The following TRDN variants were observed in gnomAD, a reference collection of about 807,000 sequenced individuals.
TRDN encodes triadin in skeletal muscle.
In TRDN, 161 loss-of-function variants were observed where a neutral mutation model predicts 149.7. The observed-to-expected ratio is 1.08, with a 90% CI of 0.95 to 1.23. TRDN has a LOEUF of 1.23. TRDN is among the 50% of genes most tolerant of loss of function. The pLI, the probability that TRDN is intolerant of heterozygous loss-of-function variation, is 0.00. For synonymous variants in TRDN, 294 were observed against 250.5 expected (o/e 1.17, Z -1.64); for missense variants, 896 against 823.5 (o/e 1.09, Z -1.08).
At chr6:123,301,770 C>CACATATACAT (rs763041259) in intron 24 of TRDN, among the ~76,000 whole-genome samples, 5 of 57,834 alleles carry the variant, frequency 8.6e-5, no homozygotes, top group African/African-American at 1.9e-4. Context: ...TATATATATA[C>CACATATACAT]ATATATATAT....
At chr6:123,419,609 C>G (rs900896366) in intron 12 of TRDN, among the ~76,000 whole-genome samples, 1 of 152,094 alleles carries the variant, frequency 6.6e-6, no homozygotes, top group Non-Finnish European at 1.5e-5. Flanking sequence ...AACTCCTAGT[C>G]TCAAGTGATC....
intron 38 of TRDN, among the ~76,000 whole-genome samples, chr6:123,249,671 A>G (rs1348446492): frequency 6.6e-6 from 1 of 152,170 alleles, no homozygotes; most frequent in Non-Finnish European, 1.5e-5. Context: ...ACGTGAAATA[A>G]CTGAAACAGA....
chr6:123,518,955 A>G (rs1401671058), intron 5 of TRDN, among the ~76,000 whole-genome samples: 1 of 152,152 alleles, frequency 6.6e-6, no homozygotes, highest in Admixed American at 6.5e-5. Context: ...TAATCACTCT[A>G]AAATAAAAAT....
intron 1 of TRDN, among the ~76,000 whole-genome samples, chr6:123,603,845 T>C (rs1392710064): frequency 1.4e-4 from 21 of 152,186 alleles, no homozygotes; most frequent in Non-Finnish European, 1.5e-4. Context: ...GAAGATATCA[T>C]TGGGCATAAA....
chr6:123,525,284 A>T (rs1779888519), intron 5 of TRDN, among the ~76,000 whole-genome samples: 1 of 152,108 alleles, frequency 6.6e-6, no homozygotes, highest in South Asian at 2.1e-4. Context: ...TCGCAGTGGC[A>T]AAGTCATGGA....
chr6:123,573,346 TACA>T (rs1180155709), intron 1 of TRDN, among the ~76,000 whole-genome samples: 1 of 152,044 alleles, frequency 6.6e-6, no homozygotes, highest in Non-Finnish European at 1.5e-5. Context: ...TAAATGACAA[TACA>T]ACAACTACTG....
chr6:123,620,529 G>T (rs1309076270), intron 1 of TRDN, among the ~76,000 whole-genome samples: 1 of 151,706 alleles, frequency 6.6e-6, no homozygotes, highest in African/African-American at 2.4e-5. Flanking sequence ...TCTTCACAGA[G>T]TTTTACAAAT....
intron 2 of TRDN, among the ~76,000 whole-genome samples, chr6:123,568,321 G>T (rs113438674): frequency 0.011 from 1,748 of 152,300 alleles, 37 homozygotes; most frequent in African/African-American, 0.04. Flanking sequence ...TAGGTGCAGG[G>T]TGGAAGCTGC....
intron 2 of TRDN, among the ~76,000 whole-genome samples, chr6:123,569,728 T>C (rs1583262422): frequency 6.6e-6 from 1 of 151,532 alleles, no homozygotes; most frequent in African/African-American, 2.4e-5. Context: ...AGCAGGGAGG[T>C]GCCACACACT....
chr6:123,328,672 A>T (rs1779553431), intron 23 of TRDN, among the ~76,000 whole-genome samples: 1 of 152,056 alleles, frequency 6.6e-6, no homozygotes, highest in African/African-American at 2.4e-5. Flanking sequence ...TGAGGGGCTG[A>T]GTTTATTTTC....
At chr6:123,367,713 G>C (rs1324629366) in intron 19 of TRDN, among the ~76,000 whole-genome samples, 1 of 152,208 alleles carries the variant, frequency 6.6e-6, no homozygotes, top group Non-Finnish European at 1.5e-5. Flanking sequence ...AACAGATGCT[G>C]AGCGCAAAAG....
rs1463993375 is a variant in TRDN at position 123,260,605 on chromosome 6, T to C, written c.1831+7A>G. Reference sequence around the variant, plus strand: ...ATCTTATCTCCTCTGAAAAAGTAAATATTTACCTGATTCTGTGACTTCTGA... The same window carrying C: ...ATCTTATCTCCTCTGAAAAAGTAAACATTTACCTGATTCTGTGACTTCTGA... On this transcript the variant is annotated splice_region_variant and intron_variant, in intron 34 of 40. Coordinates refer to ENST00000334268, the MANE Select transcript of TRDN (RefSeq NM_006073.4). 2 of 1,444,424 alleles carry C rather than the reference T, an allele frequency of 1.4e-6. No homozygotes were observed. Among genetic ancestry groups the C allele is most frequent in the East Asian group, 2.6e-5 (1 of 38,004 alleles). The allele number at this position is 1,444,424 out of a possible 1,614,324, so 89.5% of individuals were successfully genotyped here.
chr6:123,336,581 A>T (rs1779879185), intron 22 of TRDN, among the ~76,000 whole-genome samples: 1 of 151,924 alleles, frequency 6.6e-6, no homozygotes, highest in Admixed American at 6.6e-5. Flanking sequence ...TACCTCCTTT[A>T]TGATTATTAT....
At chr6:123,328,298 T>G (rs1016264280) in intron 23 of TRDN, among the ~76,000 whole-genome samples, 1 of 152,200 alleles carries the variant, frequency 6.6e-6, no homozygotes, top group Non-Finnish European at 1.5e-5. Flanking sequence ...CTGGCTGCAA[T>G]GCCAATGCAT....
intron 2 of TRDN, among the ~76,000 whole-genome samples, chr6:123,568,122 T>G (rs1782383560): frequency 6.6e-6 from 1 of 152,194 alleles, no homozygotes; most frequent in South Asian, 2.1e-4. Context: ...CCCATGTAAG[T>G]TGAAAACCCC....
intron 33 of TRDN, among the ~76,000 whole-genome samples, chr6:123,261,142 A>G (rs1297116406): frequency 6.6e-6 from 1 of 151,826 alleles, no homozygotes; most frequent in Non-Finnish European, 1.5e-5. Flanking sequence ...AATGAAATGT[A>G]AAAAATTAAA....
intron 21 of TRDN, among the ~76,000 whole-genome samples, chr6:123,342,750 C>T (rs140434804): frequency 0.034 from 5,192 of 152,004 alleles, 134 homozygotes; most frequent in Middle Eastern, 0.092. Flanking sequence ...TGGGAGCATC[C>T]TGGATTATAA....
chr6:123,549,624 T>C (rs1583226336), intron 2 of TRDN, among the ~76,000 whole-genome samples: 1 of 152,058 alleles, frequency 6.6e-6, no homozygotes, highest in African/African-American at 2.4e-5. Flanking sequence ...TAGTAAGTCA[T>C]TGGAAGATTT....
At position 123,273,928 on chromosome 6, in the gene TRDN, C is replaced by CT. The variant is rs543204233; in HGVS notation, c.1598-566dup. Among the ~76,000 whole-genome samples the CT allele has an allele frequency of 6.8e-4, 103 of 151,902 alleles. No homozygotes were observed. The Middle Eastern group carries it at 0.017, about 25-fold the overall frequency. On this transcript the variant is annotated intron_variant, in intron 27 of 40. Transcript: ENST00000334268. ...ACAATGTAGACTTGGAAAGGTCATA[C>CT]TTTTTTTTAGGTCAATGCTACCTTC...
Sources: gnomAD v4.1 joint callset for allele counts (sites outside exome capture counted in the v4.1 genomes callset) on GRCh38, gnomAD v4.1.1 for gene constraint, MANE v1.5 for transcripts, NCBI Gene and HGNC (gene_info 2026-07-23, HGNC 2026-07-21) for gene names.